SEM1: variants seen among roughly 807,000 people sequenced by gnomAD.
SEM1 encodes 26S proteasome complex subunit SEM1.
SEM1 carries 3 observed loss-of-function variants against 12.7 expected under a neutral mutation model. That is an observed-to-expected ratio of 0.24 (90% CI 0.11 to 0.61). SEM1 has a LOEUF of 0.61. Ranked by LOEUF, SEM1 falls within the 20% of genes least tolerant of loss-of-function variation. The pLI is 0.88. For synonymous variants in SEM1, 30 were observed against 27.8 expected (o/e 1.08, Z -0.25); for missense variants, 59 against 81.3 (o/e 0.73, Z 1.06).
chr7:96,589,557 C>G (rs1186944176), intron 2 of SEM1, among the ~76,000 whole-genome samples: 2 of 152,144 alleles, frequency 1.3e-5, no homozygotes, highest in Non-Finnish European at 2.9e-5. Flanking sequence ...GCTGAGACAT[C>G]CAACCCTCAT....
At chr7:96,508,111 G>A (rs1280933761) in intron 2 of SEM1, among the ~76,000 whole-genome samples, 1 of 151,728 alleles carries the variant, frequency 6.6e-6, no homozygotes, top group African/African-American at 2.4e-5. Flanking sequence ...GTGTAGAAAT[G>A]GGGTGAGTCT....
chr7:96,665,462 A>G (rs1477973364), intron 2 of SEM1, among the ~76,000 whole-genome samples: 1 of 152,240 alleles, frequency 6.6e-6, no homozygotes, highest in Admixed American at 6.5e-5. Flanking sequence ...AAGGAAATGT[A>G]GCAACTCTAA....
intron 2 of SEM1, among the ~76,000 whole-genome samples, chr7:96,674,956 G>C (rs1392963907): frequency 6.6e-6 from 1 of 152,194 alleles, no homozygotes; most frequent in Non-Finnish European, 1.5e-5. Context: ...AGGAGCAGGG[G>C]TGGGTGACAT....
In SEM1 at chr7:96,560,562, T is replaced by C. The variant is rs574979486; in HGVS notation, c.171-53864A>G. Among the ~76,000 whole-genome samples the C allele has an allele frequency of 1.8e-4, 28 of 152,244 alleles. 1 individual carries two copies. The East Asian group carries it at 5.4e-3, about 29-fold the overall frequency. ...TTGGCCTATATATTCCAAATACGTT[T>C]TTTACATGTTGTCTTTCAATCTCAC... On this transcript the variant is annotated intron_variant and NMD_transcript_variant, in intron 2 of 3. Transcript: ENST00000466986.
At chr7:96,622,009 A>C (rs2116285680), downstream of SEM1, 1 of 152,474 alleles carries the variant, frequency 6.6e-6, no homozygotes, top group South Asian at 2.1e-4. Context: ...TTACCCTCAG[A>C]GGGGATTACT....
chr7:96,706,937 CTTA>C (rs1790486165), intron 1 of SEM1, among the ~76,000 whole-genome samples: 1 of 152,156 alleles, frequency 6.6e-6, no homozygotes, highest in African/African-American at 2.4e-5. Flanking sequence ...CAATGGCATA[CTTA>C]CAAGAAAAAT....
chr7:96,605,298 G>C (rs1176384766), intron 2 of SEM1, among the ~76,000 whole-genome samples: 1 of 152,014 alleles, frequency 6.6e-6, no homozygotes, highest in Non-Finnish European at 1.5e-5. Context: ...TAAATCCAAC[G>C]AACTATGGTG....
intron 1 of SEM1, chr7:96,708,202 A>T (rs1790529027): frequency 6.6e-6 from 1 of 152,210 alleles, no homozygotes; most frequent in South Asian, 2.1e-4. Context: ...TTATGAAGCA[A>T]CTTGAAAGCG....
At chr7:96,661,985 T>G (rs1789016393) in intron 2 of SEM1, among the ~76,000 whole-genome samples, 1 of 103,778 alleles carries the variant, frequency 9.6e-6, no homozygotes. Context: ...CAAAACTCCG[T>G]CTCAAAAAAA....
At chr7:96,648,229 C>G (rs1335289110) in intron 2 of SEM1, among the ~76,000 whole-genome samples, 3 of 152,114 alleles carry the variant, frequency 2.0e-5, no homozygotes, top group Non-Finnish European at 4.4e-5. Context: ...ATCATTTCAA[C>G]TATCATAGAA....
chr7:96,575,193 T>C (rs530697648), intron 2 of SEM1, among the ~76,000 whole-genome samples: 21 of 151,634 alleles, frequency 1.4e-4, no homozygotes, highest in Admixed American at 2.0e-4. Flanking sequence ...TGCTTTCTAT[T>C]TGTTAGTTTT....
At chr7:96,597,503 G>C (rs550387041) in intron 2 of SEM1, among the ~76,000 whole-genome samples, 12 of 152,036 alleles carry the variant, frequency 7.9e-5, no homozygotes, top group Non-Finnish European at 1.6e-4. Flanking sequence ...TTATCCTTGA[G>C]ATATTAGCAA....
At chr7:96,651,507 C>A (rs1036419276) in intron 2 of SEM1, among the ~76,000 whole-genome samples, 3 of 152,150 alleles carry the variant, frequency 2.0e-5, no homozygotes, top group African/African-American at 7.2e-5. Flanking sequence ...CATGTGTGAT[C>A]ATCAGGACTG....
At chr7:96,554,323 G>A (rs934762510) in intron 2 of SEM1, among the ~76,000 whole-genome samples, 1 of 99,962 alleles carries the variant, frequency 1.0e-5, no homozygotes, top group African/African-American at 3.3e-5. Flanking sequence ...TATGATATTG[G>A]CTGTGGGTTT....
intron 2 of SEM1, among the ~76,000 whole-genome samples, chr7:96,623,657 G>T (rs183718531): frequency 1.0e-3 from 155 of 150,682 alleles, no homozygotes; most frequent in African/African-American, 3.6e-3. Flanking sequence ...TCATTTTATT[G>T]TCTATATATG....
chr7:96,708,793 T>C (rs775079118), intron 1 of SEM1, among the ~76,000 whole-genome samples: 1 of 152,220 alleles, frequency 6.6e-6, no homozygotes, highest in African/African-American at 2.4e-5. Context: ...AGAATGGCAA[T>C]ACTGAGGCCT....
At chr7:96,707,115 A>T (rs59975739) in intron 1 of SEM1, among the ~76,000 whole-genome samples, 2,160 of 152,310 alleles carry the variant, frequency 0.014, 42 homozygotes, top group African/African-American at 0.05. Flanking sequence ...GGTAAAGCCC[A>T]CACTGATTAA....
chr7:96,585,031 A>G (rs202055590), intron 2 of SEM1, among the ~76,000 whole-genome samples: 51,226 of 148,520 alleles, frequency 0.34, 9,161 homozygotes, highest in Admixed American at 0.45. Context: ...TCCTTTGGAG[A>G]AGGAGAGGCG....
At position 96,579,336 on chromosome 7, in the gene SEM1, G is replaced by C. The variant is rs193096689; in HGVS notation, c.171-72638C>G. Among the ~76,000 whole-genome samples, 7 of 152,340 alleles carry C rather than the reference G, an allele frequency of 4.6e-5. No homozygotes were observed. In the East Asian group the frequency reaches 5.8e-4, roughly 13 times the overall value. On this transcript the variant is annotated intron_variant and NMD_transcript_variant, in intron 2 of 3. Transcript: ENST00000466986. ...TTTATTCATGTCACCACTTACTGCTGTAAGCTTGTTTATGGCTTTCTAAAT... is the reference window on the plus strand; with the variant it reads ...TTTATTCATGTCACCACTTACTGCTCTAAGCTTGTTTATGGCTTTCTAAAT...
Sources: allele counts gnomAD v4.1 joint callset (sites outside exome capture counted in the v4.1 genomes callset), GRCh38; gene constraint gnomAD v4.1.1; transcripts MANE v1.5; gene names NCBI Gene and HGNC (gene_info 2026-07-23, HGNC 2026-07-21).